GALNT13: variants seen among roughly 807,000 people sequenced by gnomAD.
The protein encoded by GALNT13 is UDP-GalNAc:polypeptide N-acetylgalactosaminyltransferase 13.
Under a neutral mutation model 64.2 loss-of-function variants are expected in GALNT13, and 28 were observed. The observed-to-expected ratio is 0.44, with a 90% CI of 0.32 to 0.60. GALNT13 has a LOEUF of 0.60. Among genes scored for constraint, GALNT13 ranks in the 20% least tolerant of loss-of-function variants. The probability of loss-of-function intolerance (pLI) is 0.05; values close to 1 mark genes in which losing one functional copy is unlikely to be tolerated. For missense variants in GALNT13, 577 were observed against 669.8 expected (o/e 0.86, Z 1.53); for synonymous variants, 214 against 224.6 (o/e 0.95, Z 0.42).
At chr2:154,257,257 C>G (rs748183751) in intron 7 of GALNT13, among the ~76,000 whole-genome samples, 1 of 151,916 alleles carries the variant, frequency 6.6e-6, no homozygotes, top group Non-Finnish European at 1.5e-5. Flanking sequence ...AACTGTAAGC[C>G]GAAATTCAAT....
chr2:154,076,553 A>T (rs1700998318), intron 3 of GALNT13, among the ~76,000 whole-genome samples: 1 of 151,708 alleles, frequency 6.6e-6, no homozygotes, highest in Non-Finnish European at 1.5e-5. Flanking sequence ...GCTCTGGTCC[A>T]ATGATAGAAG....
At chr2:153,153,444 C>T in the GALNT13 span, among the ~76,000 whole-genome samples, 1 of 151,980 alleles carries the variant, frequency 6.6e-6, no homozygotes, top group African/African-American at 2.4e-5. Flanking sequence ...CTTTTGGCAT[C>T]CTATTCGTGA....
At chr2:154,175,335 A>C (rs1685586798) in intron 4 of GALNT13, among the ~76,000 whole-genome samples, 1 of 152,188 alleles carries the variant, frequency 6.6e-6, no homozygotes, top group Non-Finnish European at 1.5e-5. Context: ...CAATTTATAA[A>C]CATCCACATA....
At chr2:153,165,147 A>G in the GALNT13 span, among the ~76,000 whole-genome samples, 1 of 152,338 alleles carries the variant, frequency 6.6e-6, no homozygotes, top group East Asian at 1.9e-4. Flanking sequence ...AGAACAACAC[A>G]CAGTCTTTGA....
chr2:153,602,227 A>G, the GALNT13 span, among the ~76,000 whole-genome samples: 2 of 151,914 alleles, frequency 1.3e-5, no homozygotes, highest in Admixed American at 1.3e-4. Context: ...TTTAATAAAT[A>G]CTTATTATCC....
At chr2:153,140,094 T>C in the GALNT13 span, among the ~76,000 whole-genome samples, 58 of 152,138 alleles carry the variant, frequency 3.8e-4, no homozygotes, top group African/African-American at 1.3e-3. Context: ...AATCTTACCA[T>C]CCATTCCTTA....
the GALNT13 span, among the ~76,000 whole-genome samples, chr2:153,131,367 T>C: frequency 6.6e-6 from 1 of 152,236 alleles, no homozygotes; most frequent in East Asian, 1.9e-4. Context: ...ATTTGGATTA[T>C]GAGTAAATTG....
At chr2:153,788,953 A>T in the GALNT13 span, among the ~76,000 whole-genome samples, 1 of 152,220 alleles carries the variant, frequency 6.6e-6, no homozygotes, top group Non-Finnish European at 1.5e-5. Flanking sequence ...TCATAAAGTA[A>T]GTTCTAAGGA....
chr2:153,972,444 A>G (rs1356311594), intron 3 of GALNT13, among the ~76,000 whole-genome samples: 1 of 152,134 alleles, frequency 6.6e-6, no homozygotes, highest in Non-Finnish European at 1.5e-5. Context: ...TAAACAATTT[A>G]TAGTTCTATA....
rs548548083 is a variant in GALNT13 at position 153,919,893 on chromosome 2, A to G, written c.-105+18886A>G. Among the ~76,000 whole-genome samples the G allele has an allele frequency of 8.0e-5, 12 of 150,762 alleles. No homozygotes were observed. In the South Asian group the frequency reaches 2.5e-3, roughly 31 times the overall value. On this transcript the variant is annotated intron_variant, in intron 2 of 12. Transcript: ENST00000392825. The stretch of plus-strand genomic sequence containing the variant: ...GGAACAACTGGAGTTAACTGGGCAA[A>G]TTAACCTCTTCAGTATCTTCAAACT...
At chr2:154,141,805 G>C (rs946724260) in intron 4 of GALNT13, among the ~76,000 whole-genome samples, 6 of 152,064 alleles carry the variant, frequency 3.9e-5, no homozygotes, top group African/African-American at 1.4e-4. Flanking sequence ...TAATTAGAAT[G>C]CTTAATTATC....
chr2:154,118,402 A>G (rs1342292678), intron 3 of GALNT13, among the ~76,000 whole-genome samples: 1 of 148,900 alleles, frequency 6.7e-6, no homozygotes, highest in Non-Finnish European at 1.5e-5. Context: ...ACTTTCAGTT[A>G]TGTGTGCCCT....
At chr2:153,314,600 A>G in the GALNT13 span, among the ~76,000 whole-genome samples, 1 of 152,162 alleles carries the variant, frequency 6.6e-6, no homozygotes, top group African/African-American at 2.4e-5. Context: ...TCTAATAACA[A>G]TGGAATAAAA....
At chr2:153,199,656 G>T in the GALNT13 span, among the ~76,000 whole-genome samples, 1 of 152,166 alleles carries the variant, frequency 6.6e-6, no homozygotes, top group African/African-American at 2.4e-5. Context: ...GAAATGATGT[G>T]ATTATAGTCT....
At chr2:153,611,679 C>CTTTTT in the GALNT13 span, among the ~76,000 whole-genome samples, 155 of 104,382 alleles carry the variant, frequency 1.5e-3, 4 homozygotes, top group African/African-American at 5.1e-3. Context: ...ACATTTTTAC[C>CTTTTT]TTTTTTTTTT....
the GALNT13 span, among the ~76,000 whole-genome samples, chr2:153,857,344 T>C: frequency 6.6e-6 from 1 of 152,188 alleles, no homozygotes; most frequent in Non-Finnish European, 1.5e-5. Context: ...TTTGTGAACT[T>C]TTCTCTATTT....
chr2:154,036,353 A>G (rs1292843546), intron 3 of GALNT13, among the ~76,000 whole-genome samples: 1 of 152,140 alleles, frequency 6.6e-6, no homozygotes, highest in Non-Finnish European at 1.5e-5. Flanking sequence ...TGCAGATACT[A>G]TCACAGTAAA....
At chr2:154,450,202 A>G (rs1701814410) in intron 12 of GALNT13, among the ~76,000 whole-genome samples, 1 of 152,072 alleles carries the variant, frequency 6.6e-6, no homozygotes, top group South Asian at 2.1e-4. Flanking sequence ...CTGCAAATAA[A>G]GGTATATTAG....
chr2:153,839,454 G>A, the GALNT13 span, among the ~76,000 whole-genome samples: 1 of 151,630 alleles, frequency 6.6e-6, no homozygotes, highest in Non-Finnish European at 1.5e-5. Flanking sequence ...TCCACTGAGG[G>A]TTTTTAATCA....
Sources: gnomAD v4.1 joint callset for allele counts (sites outside exome capture counted in the v4.1 genomes callset) on GRCh38, gnomAD v4.1.1 for gene constraint, MANE v1.5 for transcripts, NCBI Gene and HGNC (gene_info 2026-07-23, HGNC 2026-07-21) for gene names.